HEG1: variants seen among roughly 807,000 people sequenced by gnomAD.
HEG1 encodes the protein heart development protein with EGF like domains 1, also known as protein HEG homolog 1.
In HEG1, 56 loss-of-function variants were observed where a neutral mutation model predicts 125.6. The observed-to-expected ratio is 0.45, with a 90% CI of 0.36 to 0.56. HEG1 has a LOEUF of 0.56. Ranked by LOEUF, HEG1 falls within the 20% of genes least tolerant of loss-of-function variation. The pLI is 0.00. For synonymous variants in HEG1, 644 were observed against 668.5 expected, an observed-to-expected ratio of 0.96 and a Z score of 0.57; for missense variants, 1,523 against 1,670.0, an observed-to-expected ratio of 0.91 and a Z score of 1.53.
intron 3 of HEG1, among the ~76,000 whole-genome samples, chr3:125,023,764 G>C (rs1345934905): frequency 1.3e-5 from 2 of 152,108 alleles, no homozygotes; most frequent in African/African-American, 4.8e-5. Flanking sequence ...GCCATTCAAC[G>C]ACGGAAAGAC....
intron 1 of HEG1, among the ~76,000 whole-genome samples, chr3:125,045,793 G>A (rs886314012): frequency 6.6e-6 from 1 of 152,234 alleles, no homozygotes; most frequent in Non-Finnish European, 1.5e-5. Context: ...TACAAAGCGC[G>A]TCCATGTGGA....
intron 12 of HEG1, among the ~76,000 whole-genome samples, chr3:124,992,078 AG>A (rs1182653662): frequency 2.6e-5 from 4 of 152,066 alleles, no homozygotes; most frequent in Non-Finnish European, 5.9e-5. Context: ...TTCCATGAGA[AG>A]GGGGGGAGCT....
intron 16 of HEG1, 28 bp from the exon 17 acceptor site, chr3:124,970,829 G>A: frequency 6.3e-7 from 1 of 1,588,366 alleles, no homozygotes; most frequent in Non-Finnish European, 8.6e-7. Context: ...AAGAAGAAAA[G>A]TCAATTTATC....
chr3:125,027,600 T>C, intron 2 of HEG1, 93 bp from the exon 3 acceptor site: 1 of 996,590 alleles, frequency 1.0e-6, no homozygotes, highest in Admixed American at 2.8e-5. Flanking sequence ...ATCTACAAAA[T>C]ATACAGACAT....
At chr3:125,034,811 AT>A (rs574646675) in intron 1 of HEG1, among the ~76,000 whole-genome samples, 94 of 152,310 alleles carry the variant, frequency 6.2e-4, no homozygotes, top group African/African-American at 2.2e-3. Context: ...AGAAAAAAAA[AT>A]GAATTAGAAA....
At chr3:125,052,014 C>T (rs556288117) in intron 1 of HEG1, among the ~76,000 whole-genome samples, 40 of 152,260 alleles carry the variant, frequency 2.6e-4, no homozygotes, top group African/African-American at 9.1e-4. Context: ...GGGTCTCTGG[C>T]AAAACATAAC....
chr3:125,012,561 T>C (rs1443608838), intron 6 of HEG1, 62 bp downstream of exon 6: 10 of 1,478,868 alleles, frequency 6.8e-6, no homozygotes, highest in Middle Eastern at 1.7e-4. Flanking sequence ...CCGAGCCCCA[T>C]GTAGCTCTCA....
chr3:125,002,052 G>A (rs768890828), intron 10 of HEG1, 40 bp from the exon 11 acceptor site: 1 of 1,609,740 alleles, frequency 6.2e-7, no homozygotes, highest in East Asian at 2.2e-5. Flanking sequence ...GCCCTGAAAT[G>A]ACACGTGGGT....
chr3:124,977,684 T>C (rs990269427), intron 15 of HEG1, among the ~76,000 whole-genome samples, 175 bp downstream of exon 15: 1 of 152,252 alleles, frequency 6.6e-6, no homozygotes, highest in African/African-American at 2.4e-5. Context: ...CCCTTCTTTT[T>C]CCTCACAGGC....
chr3:124,995,494 T>G (rs1936906733), intron 12 of HEG1, among the ~76,000 whole-genome samples: 1 of 152,258 alleles, frequency 6.6e-6, no homozygotes, highest in African/African-American at 2.4e-5. Flanking sequence ...ACATAGAGAC[T>G]TGCTAATGTA....
intron 5 of HEG1, among the ~76,000 whole-genome samples, chr3:125,018,864 CTTT>C (rs755310479): frequency 1.7e-5 from 2 of 119,628 alleles, no homozygotes; most frequent in Non-Finnish European, 3.5e-5. Context: ...TTCATGCATG[CTTT>C]TTTTTTTTTT....
At chr3:124,977,700 C>A (rs1051517086) in intron 15 of HEG1, among the ~76,000 whole-genome samples, 159 bp downstream of exon 15, 1 of 152,216 alleles carries the variant, frequency 6.6e-6, no homozygotes, top group Non-Finnish European at 1.5e-5. Context: ...CAGGCACCAA[C>A]TATCGTGAAT....
chr3:125,029,303 C>G lies in HEG1; in HGVS notation c.502G>C (p.Asp168His), dbSNP rs753596441. 2 of 1,614,004 alleles carry G rather than the reference C, an allele frequency of 1.2e-6. No homozygotes were observed. Among genetic ancestry groups the G allele is most frequent in the Non-Finnish European group, 1.7e-6 (2 of 1,179,884 alleles). Residue 168 changes from aspartate to histidine, a missense_variant, in exon 2 of 17, where the codon GAT becomes CAT. By Grantham distance (81) the Asp-to-His change is moderately conservative (BLOSUM62 -1). Transcript: ENST00000311127. ...ENLTLLAETA[D>H]ARGRSGSSSR... ...GAAGAGCCGCTCCTTCCTCTAGCAT[C>G]TGCTGTTTCAGCGAGTAGAGTGAGG... is the stretch of plus-strand genomic sequence containing the variant.
In HEG1 at chr3:124,967,234, A is replaced by G. The variant is rs1936331975; in HGVS notation, c.*3418T>C. ...AATATGCTTCCAGTATGTGGGAGCC[A>G]TGGCCTTACCACGGGAACAAGGCAA... On this transcript the variant is annotated 3_prime_UTR_variant, in exon 17 of 17. Transcript: ENST00000311127. 6.6e-6 allele frequency: 1 copy of G among 152,210 alleles called. No individual in the cohort carries two copies. Among genetic ancestry groups the G allele is most frequent in the Non-Finnish European group, 1.5e-5 (1 of 68,046 alleles). The allele number at this position is 152,210 out of a possible 1,614,324, so 9.4% of individuals were successfully genotyped here. A position where few individuals can be genotyped will look rare whatever the true frequency, so the allele number is the denominator to read the frequency against.
chr3:124,991,101 C>A (rs1254060002), intron 12 of HEG1, 115 bp from the exon 13 acceptor site: 7 of 744,588 alleles, frequency 9.4e-6, no homozygotes, highest in Non-Finnish European at 1.6e-5. Context: ...CAGAAGGCTG[C>A]AAACTGCTTT....
intron 14 of HEG1, among the ~76,000 whole-genome samples, chr3:124,983,425 C>T (rs1316907774): frequency 1.3e-5 from 2 of 152,022 alleles, no homozygotes; most frequent in Admixed American, 6.6e-5. Context: ...TAACCTCACC[C>T]CCCAGCTCAA....
chr3:124,985,157 G>A (rs988821838), intron 14 of HEG1, among the ~76,000 whole-genome samples: 2 of 152,148 alleles, frequency 1.3e-5, no homozygotes, highest in African/African-American at 2.4e-5. Context: ...TTCAGATTCG[G>A]ATTCAGTGGG....
At chr3:125,054,038 G>A (rs1255792367) in intron 1 of HEG1, among the ~76,000 whole-genome samples, 1 of 152,238 alleles carries the variant, frequency 6.6e-6, no homozygotes, top group Admixed American at 6.5e-5. Context: ...TCTGCCTTCG[G>A]CTCTTGGGTG....
At chr3:124,976,447 C>T (rs1375690479) in intron 15 of HEG1, among the ~76,000 whole-genome samples, 1 of 151,918 alleles carries the variant, frequency 6.6e-6, no homozygotes, top group African/African-American at 2.4e-5. Flanking sequence ...CTCGAACTCC[C>T]AAAGTGCTGG....
Sources: allele counts gnomAD v4.1 joint callset (sites outside exome capture counted in the v4.1 genomes callset), GRCh38; gene constraint gnomAD v4.1.1; transcripts MANE v1.5; gene names NCBI Gene and HGNC (gene_info 2026-07-23, HGNC 2026-07-21).